Variants in PALM2AKAP2 observed in about 807,000 individuals in gnomAD.
The protein encoded by PALM2AKAP2 is PALM2 and AKAP2 fusion.
A neutral mutation model predicts 71.5 loss-of-function variants in PALM2AKAP2; 37 were observed. The ratio of observed to expected loss-of-function variants is 0.52; its 90% confidence interval spans 0.40 to 0.68. PALM2AKAP2 has a LOEUF of 0.68. Ranked by LOEUF, PALM2AKAP2 falls within the 30% of genes least tolerant of loss-of-function variation. The pLI, the probability that PALM2AKAP2 is intolerant of heterozygous loss-of-function variation, is 0.00. For synonymous variants in PALM2AKAP2, 468 were observed against 478.8 expected (o/e 0.98, Z 0.29); for missense variants, 1,224 against 1,191.8 (o/e 1.03, Z -0.40).
chr9:110,053,527 C>CAAAAAAAAAAAAA (rs56132919), intron 1 of PALM2AKAP2, among the ~76,000 whole-genome samples: 13 of 82,866 alleles, frequency 1.6e-4, no homozygotes, highest in African/African-American at 3.2e-4. Context: ...AACTCTGTCT[C>CAAAAAAAAAAAAA]AAAAAAAAAA....
At chr9:109,697,181 A>G (rs760117760) in intron 1 of PALM2AKAP2, among the ~76,000 whole-genome samples, 1 of 152,182 alleles carries the variant, frequency 6.6e-6, no homozygotes, top group Non-Finnish European at 1.5e-5. Flanking sequence ...TACCACCTAG[A>G]CATTAAGAAG....
intron 1 of PALM2AKAP2, among the ~76,000 whole-genome samples, chr9:109,662,532 G>A (rs1416427876): frequency 6.6e-6 from 1 of 152,160 alleles, no homozygotes; most frequent in Non-Finnish European, 1.5e-5. Flanking sequence ...TGATCATGGT[G>A]GATAAGCTTT....
intron 2 of PALM2AKAP2, 91 bp downstream of exon 2, chr9:109,867,662 G>A (rs749612198): frequency 2.0e-5 from 29 of 1,423,136 alleles, no homozygotes; most frequent in African/African-American, 1.6e-4. Flanking sequence ...CCGTGAAGGC[G>A]CTGCCGCCAA....
chr9:109,920,963 G>A lies in PALM2AKAP2; in HGVS notation c.258-2772G>A, dbSNP rs144608015. ...TGTGTTGTTCCTATTTCACACTCATGTCTCTTTACTTACTCCCCCCAAAAT... is the reference window on the plus strand; with the variant it reads ...TGTGTTGTTCCTATTTCACACTCATATCTCTTTACTTACTCCCCCCAAAAT... On this transcript the variant is annotated intron_variant, in intron 3 of 9. Coordinates refer to the PALM2AKAP2 transcript ENST00000302798. Among the ~76,000 whole-genome samples the A allele has an allele frequency of 5.8e-3, 886 of 152,198 alleles. 12 individuals carry two copies. Among genetic ancestry groups the A allele is most frequent in the African/African-American group, 0.02 (850 of 41,532 alleles).
At chr9:109,837,293 A>T (rs1828508612) in intron 1 of PALM2AKAP2, among the ~76,000 whole-genome samples, 1 of 152,204 alleles carries the variant, frequency 6.6e-6, no homozygotes, top group Non-Finnish European at 1.5e-5. Context: ...TCATTAGTGA[A>T]GGAGAAATAA....
chr9:109,768,865 A>G (rs1829207937), intron 1 of PALM2AKAP2, among the ~76,000 whole-genome samples: 1 of 152,232 alleles, frequency 6.6e-6, no homozygotes, highest in South Asian at 2.1e-4. Flanking sequence ...CATGCCTATA[A>G]TCCTAGCACT....
At chr9:110,072,913 C>T (rs1211490956) in intron 1 of PALM2AKAP2, among the ~76,000 whole-genome samples, 1 of 152,150 alleles carries the variant, frequency 6.6e-6, no homozygotes, top group Non-Finnish European at 1.5e-5. Context: ...GTTAACTTTG[C>T]ACGTGACCAT....
At chr9:110,046,645 T>A (rs897918446), upstream of PALM2AKAP2, among the ~76,000 whole-genome samples, 5 of 152,116 alleles carry the variant, frequency 3.3e-5, no homozygotes, top group African/African-American at 1.2e-4. Context: ...ATTTTGTATT[T>A]TTAGTAGAGA....
intron 1 of PALM2AKAP2, among the ~76,000 whole-genome samples, chr9:109,759,959 T>C (rs893609538): frequency 6.6e-6 from 1 of 152,166 alleles, no homozygotes; most frequent in African/African-American, 2.4e-5. Context: ...TCAACGTGTT[T>C]TGACAAATGT....
At chr9:109,900,181 A>G (rs1343553924) in intron 3 of PALM2AKAP2, among the ~76,000 whole-genome samples, 4 of 152,224 alleles carry the variant, frequency 2.6e-5, no homozygotes, top group Non-Finnish European at 4.4e-5. Context: ...TCTGATTGGC[A>G]TGCAATCATG....
intron 1 of PALM2AKAP2, among the ~76,000 whole-genome samples, chr9:109,701,547 A>G (rs1828058246): frequency 1.3e-5 from 2 of 152,246 alleles, no homozygotes; most frequent in African/African-American, 4.8e-5. Flanking sequence ...CCATATGTAG[A>G]AAGCTGAAAC....
chr9:109,840,096 G>C (rs145573521), intron 1 of PALM2AKAP2, among the ~76,000 whole-genome samples: 1 of 152,114 alleles, frequency 6.6e-6, no homozygotes, highest in African/African-American at 2.4e-5. Context: ...GAGGCATCAC[G>C]CTACCTGACT....
chr9:109,921,497 T>C (rs1363582787), intron 3 of PALM2AKAP2, among the ~76,000 whole-genome samples: 1 of 152,186 alleles, frequency 6.6e-6, no homozygotes, highest in African/African-American at 2.4e-5. Context: ...ATCACCTCAG[T>C]TGAGAGCCAC....
intron 6 of PALM2AKAP2, among the ~76,000 whole-genome samples, chr9:109,972,898 G>A (rs758986737): frequency 3.3e-5 from 5 of 152,110 alleles, no homozygotes; most frequent in African/African-American, 1.2e-4. Context: ...ATAATGCTCT[G>A]GTTTCTCTTC....
chr9:109,909,785 A>G (rs1355762950), intron 3 of PALM2AKAP2, among the ~76,000 whole-genome samples: 1 of 152,114 alleles, frequency 6.6e-6, no homozygotes, highest in Non-Finnish European at 1.5e-5. Flanking sequence ...TGGGAAGGGG[A>G]AGAGAGAGAA....
intron 1 of PALM2AKAP2, among the ~76,000 whole-genome samples, chr9:110,095,460 G>A (rs897793558): frequency 2.0e-5 from 3 of 152,116 alleles, no homozygotes; most frequent in Admixed American, 6.5e-5. Flanking sequence ...TTGTGTTTTG[G>A]TTGGTGGTAA....
At chr9:109,664,841 T>G (rs1476319993) in intron 1 of PALM2AKAP2, among the ~76,000 whole-genome samples, 1 of 152,240 alleles carries the variant, frequency 6.6e-6, no homozygotes, top group East Asian at 1.9e-4. Context: ...AAATGTAGTT[T>G]GGTCTTTTCA....
Position 110,048,832 on chromosome 9 carries a change from GC to G in PALM2AKAP2, c.138del (p.Ser48AlafsTer17), listed in dbSNP as rs760639440. 1 of 1,529,488 alleles carries G rather than the reference GC, an allele frequency of 6.5e-7. No individual in the cohort carries two copies. Among genetic ancestry groups the G allele is most frequent in the South Asian group, 1.2e-5 (1 of 83,416 alleles). The allele number at this position is 1,529,488 out of a possible 1,614,324, so 94.7% of individuals were successfully genotyped here. A position where few individuals can be genotyped will look rare whatever the true frequency, so the allele number is the denominator to read the frequency against. On this transcript the variant is annotated frameshift_variant, in exon 1 of 4. Transcript: ENST00000374525. LOFTEE classifies it high-confidence loss of function. ...GACTGGAGCAGAACCCCAGGACTGCGCCCCCGGGAGCGGGCGCCCAGAGGTG... is the reference window on the plus strand; with the variant it reads ...GACTGGAGCAGAACCCCAGGACTGCGCCCCGGGAGCGGGCGCCCAGAGGTG...
chr9:109,673,664 T>C (rs1354464412), intron 1 of PALM2AKAP2, among the ~76,000 whole-genome samples: 1 of 152,146 alleles, frequency 6.6e-6, no homozygotes, highest in Non-Finnish European at 1.5e-5. Context: ...TAATTTTCTG[T>C]CTTGATGATC....
Sources: gnomAD v4.1 joint callset for allele counts (sites outside exome capture counted in the v4.1 genomes callset) on GRCh38, gnomAD v4.1.1 for gene constraint, MANE v1.5 for transcripts, NCBI Gene and HGNC (gene_info 2026-07-23, HGNC 2026-07-21) for gene names.